STARD13: variants seen among roughly 807,000 people sequenced by gnomAD.
The protein encoded by STARD13 is stAR-related lipid transfer protein 13.
A neutral mutation model predicts 106.4 loss-of-function variants in STARD13; 62 were observed. That is an observed-to-expected ratio of 0.58 (90% confidence interval 0.48 to 0.72). The LOEUF is 0.72. STARD13 is among the 30% of genes least tolerant of loss of function. The pLI, the probability that STARD13 is intolerant of heterozygous loss-of-function variation, is 0.00. For synonymous variants in STARD13, 565 were observed against 553.0 expected, an observed-to-expected ratio of 1.02 and a Z score of -0.31; for missense variants, 1,387 against 1,424.0, an observed-to-expected ratio of 0.97 and a Z score of 0.42.
intron 1 of STARD13, among the ~76,000 whole-genome samples, chr13:33,314,140 G>A (rs909778987): frequency 1.3e-5 from 2 of 152,112 alleles, no homozygotes; most frequent in Non-Finnish European, 2.9e-5. Flanking sequence ...TACCGGTAAG[G>A]GCTGGCACCT....
At chr13:33,418,715 G>A in the STARD13 span, among the ~76,000 whole-genome samples, 1 of 152,178 alleles carries the variant, frequency 6.6e-6, no homozygotes, top group African/African-American at 2.4e-5. Flanking sequence ...CATACAGGCG[G>A]GTGCCCCTCT....
chr13:33,233,980 A>G (rs1889060033), intron 1 of STARD13, among the ~76,000 whole-genome samples: 1 of 152,210 alleles, frequency 6.6e-6, no homozygotes, highest in Admixed American at 6.5e-5. Flanking sequence ...GAGTCTGTTG[A>G]AGGGGCCAAG....
intron 1 of STARD13, among the ~76,000 whole-genome samples, chr13:33,326,055 A>G (rs942074023): frequency 4.0e-5 from 6 of 151,804 alleles, no homozygotes; most frequent in Non-Finnish European, 8.8e-5. Context: ...AACCGGTGAA[A>G]CGTGCAGAGG....
rs1035576295 is a variant in STARD13, at chr13:33,103,853, G to C, written c.*1740C>G. ...TGGTTAAATTCAAGATGTTATGGCA[G>C]AAGTGACTTTGTTTTGCTCACAAAG... On this transcript the variant is annotated 3_prime_UTR_variant, in exon 14 of 14. Coordinates refer to ENST00000336934, the MANE Select transcript of STARD13 (RefSeq NM_178006.4). 5 of 152,220 alleles carry C rather than the reference G, an allele frequency of 3.3e-5. No homozygotes were observed. The highest frequency in any genetic ancestry group is 2.6e-4 in the Admixed American group (4 of 15,280). The allele number at this position is 152,220 out of a possible 1,614,324, so 9.4% of individuals were successfully genotyped here.
intron 1 of STARD13, among the ~76,000 whole-genome samples, chr13:33,294,158 C>T (rs1309356249): frequency 6.6e-6 from 1 of 152,134 alleles, no homozygotes; most frequent in Non-Finnish European, 1.5e-5. Context: ...TAATATCTAC[C>T]TTATCTTTGT....
the STARD13 span, among the ~76,000 whole-genome samples, chr13:33,364,408 T>TA: frequency 6.6e-6 from 1 of 152,226 alleles, no homozygotes; most frequent in Non-Finnish European, 1.5e-5. Context: ...ATCAGTATTT[T>TA]AAAAATATAA....
chr13:33,456,415 C>T, the STARD13 span, among the ~76,000 whole-genome samples: 4 of 152,186 alleles, frequency 2.6e-5, no homozygotes, highest in Non-Finnish European at 4.4e-5. Context: ...GTCTCGAACT[C>T]CTGGCCTCAA....
chr13:33,460,237 C>A, the STARD13 span, among the ~76,000 whole-genome samples: 2 of 151,824 alleles, frequency 1.3e-5, no homozygotes, highest in Admixed American at 1.3e-4. Context: ...TCTGTAATCC[C>A]AGCACTTTGG....
chr13:33,369,492 C>G, the STARD13 span, among the ~76,000 whole-genome samples: 1 of 152,054 alleles, frequency 6.6e-6, no homozygotes, highest in African/African-American at 2.4e-5. Context: ...AAGTTAAGAA[C>G]GTTTTCTAAT....
At chr13:33,549,218 G>T in the STARD13 span, among the ~76,000 whole-genome samples, 2 of 152,138 alleles carry the variant, frequency 1.3e-5, no homozygotes, top group African/African-American at 4.8e-5. Context: ...TAGATGTGTT[G>T]CTATAGCTAT....
the STARD13 span, among the ~76,000 whole-genome samples, chr13:33,499,463 G>C: frequency 6.6e-6 from 1 of 151,938 alleles, no homozygotes; most frequent in Non-Finnish European, 1.5e-5. Context: ...ACATGGCAGA[G>C]AGAAAAGGAG....
At chr13:33,229,353 CAACTT>C (rs1888788737) in intron 1 of STARD13, among the ~76,000 whole-genome samples, 1 of 152,114 alleles carries the variant, frequency 6.6e-6, no homozygotes, top group Admixed American at 6.5e-5. Flanking sequence ...TGGAAACTCT[CAACTT>C]AAGAGGAAAG....
At position 33,129,507 on chromosome 13, in the gene STARD13, T is replaced by C. The variant is rs1338305962; in HGVS notation, c.1170A>G (p.Gln390=). The C allele has an allele frequency of 3.1e-6, 5 of 1,614,084 alleles. No homozygotes were observed. Among genetic ancestry groups the C allele is most frequent in the Middle Eastern group, 1.6e-4 (1 of 6,084 alleles). Residue 390 remains glutamine (Q), a synonymous_variant, in exon 5 of 14, where the codon CAA becomes CAG. Coordinates refer to ENST00000336934, the MANE Select transcript of STARD13 (RefSeq NM_178006.4). The part of the protein sequence containing the change: ...DQSRMHEFHS[Q]ENLVVHIPKD... The stretch of plus-strand genomic sequence containing the variant: ...TGGGAATATGCACCACCAAATTCTC[T>C]TGGGAGTGAAATTCATGCATACGGC...
At chr13:33,657,123 A>G in the STARD13 span, among the ~76,000 whole-genome samples, 1 of 152,192 alleles carries the variant, frequency 6.6e-6, no homozygotes. Context: ...ACAAAAAATT[A>G]GCTGGGCGTG....
chr13:33,539,727 A>C, the STARD13 span, among the ~76,000 whole-genome samples: 5 of 152,262 alleles, frequency 3.3e-5, no homozygotes, highest in Admixed American at 3.3e-4. Flanking sequence ...AGTGGATCGT[A>C]AACATAAATA....
intron 1 of STARD13, among the ~76,000 whole-genome samples, chr13:33,194,113 G>A (rs1019123823): frequency 6.6e-6 from 1 of 152,092 alleles, no homozygotes; most frequent in Non-Finnish European, 1.5e-5. Flanking sequence ...TATTTGCTAG[G>A]TAGATGCATA....
the STARD13 span, among the ~76,000 whole-genome samples, chr13:33,551,046 A>G: frequency 6.6e-6 from 1 of 152,208 alleles, no homozygotes; most frequent in Non-Finnish European, 1.5e-5. Flanking sequence ...AGATCTTTCT[A>G]CATTTTCCAC....
chr13:33,115,127 C>T (rs1219628746), intron 8 of STARD13, among the ~76,000 whole-genome samples: 1 of 152,178 alleles, frequency 6.6e-6, no homozygotes, highest in East Asian at 1.9e-4. Flanking sequence ...ACTCTTCTAT[C>T]CTTCTCCCTC....
At chr13:33,481,746 C>T in the STARD13 span, among the ~76,000 whole-genome samples, 2 of 151,956 alleles carry the variant, frequency 1.3e-5, no homozygotes, top group African/African-American at 2.4e-5. Context: ...CTGATTTAAA[C>T]AAACTTAAAA....
Sources: gnomAD v4.1 joint callset for allele counts (sites outside exome capture counted in the v4.1 genomes callset) on GRCh38, gnomAD v4.1.1 for gene constraint, MANE v1.5 for transcripts, NCBI Gene and HGNC (gene_info 2026-07-23, HGNC 2026-07-21) for gene names.